SFXN5: variants seen among roughly 807,000 people sequenced by gnomAD.
The protein encoded by SFXN5 is sideroflexin 5.
In SFXN5, 43 loss-of-function variants were observed where a neutral mutation model predicts 50.2. The ratio of observed to expected loss-of-function variants is 0.86; its 90% CI spans 0.67 to 1.11. The LOEUF (loss-of-function observed/expected upper bound fraction) is 1.11. SFXN5 is among the 50% of genes least tolerant of loss of function. The pLI is 0.00. For missense variants in SFXN5, 463 were observed against 454.1 expected, an observed-to-expected ratio of 1.02 and a Z score of -0.18; for synonymous variants, 203 against 185.8, an observed-to-expected ratio of 1.09 and a Z score of -0.75.
At chr2:73,050,469 GCCC>G (rs1681155428) in intron 2 of SFXN5, among the ~76,000 whole-genome samples, 1 of 151,428 alleles carries the variant, frequency 6.6e-6, no homozygotes, top group African/African-American at 2.4e-5. Context: ...TTACGCTTGT[GCCC>G]TCTGGAGCAG....
chr2:72,988,984 G>A (rs1379343120), intron 9 of SFXN5, among the ~76,000 whole-genome samples: 1 of 152,176 alleles, frequency 6.6e-6, no homozygotes, highest in African/African-American at 2.4e-5. Flanking sequence ...CCTGCCTGGG[G>A]TCTTCGTCAC....
At chr2:73,034,112 G>C (rs1678663673) in intron 3 of SFXN5, among the ~76,000 whole-genome samples, 1 of 152,186 alleles carries the variant, frequency 6.6e-6, no homozygotes, top group Non-Finnish European at 1.5e-5. Context: ...CATCCAGGAG[G>C]CCACTGCAGG....
At chr2:72,969,857 G>T (rs1408266083) in intron 11 of SFXN5, among the ~76,000 whole-genome samples, 1 of 152,122 alleles carries the variant, frequency 6.6e-6, no homozygotes, top group Non-Finnish European at 1.5e-5. Context: ...TCTGCTTGGG[G>T]CCTTGCTCCA....
At position 72,999,222 on chromosome 2, in the gene SFXN5, T is replaced by C. The variant is rs140819469; in HGVS notation, c.469-208A>G. 4.4e-3 allele frequency among the ~76,000 whole-genome samples: 672 copies of C among 152,272 alleles called. 10 individuals are homozygous for C. The highest frequency in any genetic ancestry group is 0.019 in the Admixed American group (292 of 15,298). On this transcript the variant is annotated intron_variant, in intron 8 of 13. Transcript: ENST00000272433. ...TATAAATCACCAGTATCCAGGGAGA[T>C]ACTGAAGGGCCCACTTCACTCCTGC...
intron 2 of SFXN5, chr2:73,053,339 C>T (rs1022166165): frequency 7.8e-5 from 12 of 154,288 alleles, no homozygotes; most frequent in African/African-American, 2.9e-4. Context: ...TCAAAAGAGC[C>T]CCCAGCCACA....
At chr2:72,964,734 C>G (rs147457870) in intron 12 of SFXN5, among the ~76,000 whole-genome samples, 3 of 152,358 alleles carry the variant, frequency 2.0e-5, no homozygotes, top group Non-Finnish European at 4.4e-5. Context: ...CAGGGACCCT[C>G]CAAAGAACTT....
intron 3 of SFXN5, among the ~76,000 whole-genome samples, chr2:73,034,911 T>C (rs1459426664): frequency 6.6e-6 from 1 of 152,188 alleles, no homozygotes; most frequent in Non-Finnish European, 1.5e-5. Context: ...AACCTCCAAC[T>C]TCCTTCCCAG....
At position 72,953,472 on chromosome 2, in the gene SFXN5, G is replaced by A. The variant is rs565980784; in HGVS notation, c.945+7659C>T. 3.3e-5 allele frequency among the ~76,000 whole-genome samples: 5 copies of A among 152,248 alleles called. No homozygotes were observed. The highest frequency in any genetic ancestry group is 6.5e-5 in the Admixed American group (1 of 15,308). On this transcript the variant is annotated intron_variant, in intron 13 of 13. Coordinates refer to ENST00000272433, the MANE Select transcript of SFXN5 (RefSeq NM_144579.3). The surrounding 1 kb of genome is among the most constrained non-coding windows in gnomAD (Gnocchi z 4.1). ...TGCCCTAGACATTGTCTCTGGCCTC[G>A]CATCAACCCTGGAAGAGTGGGAGAA...
intron 3 of SFXN5, among the ~76,000 whole-genome samples, chr2:73,038,126 G>C (rs913841879): frequency 6.6e-6 from 1 of 152,164 alleles, no homozygotes; most frequent in Non-Finnish European, 1.5e-5. Flanking sequence ...AACCTAGATG[G>C]GCAAGCCTGC....
intron 2 of SFXN5, among the ~76,000 whole-genome samples, chr2:73,043,975 C>G (rs1296665340): frequency 6.6e-6 from 1 of 152,156 alleles, no homozygotes; most frequent in Non-Finnish European, 1.5e-5. Context: ...ACCACACACC[C>G]CCTCAATGCC....
chr2:73,055,067 A>G (rs1032473363), intron 2 of SFXN5, among the ~76,000 whole-genome samples: 1 of 152,230 alleles, frequency 6.6e-6, no homozygotes, highest in Non-Finnish European at 1.5e-5. Context: ...TTCTAGGCCC[A>G]GGTGCCCAGC....
Position 72,960,216 on chromosome 2 carries a change from C to A in SFXN5, c.945+915G>T, listed in dbSNP as rs896827271. ...AGACCCAGAGCCAACATCCCACAGGCTCCTCAACCCCGCGTGTCCATCCAA... is the reference window on the plus strand; with the variant it reads ...AGACCCAGAGCCAACATCCCACAGGATCCTCAACCCCGCGTGTCCATCCAA... On this transcript the variant is annotated intron_variant, in intron 13 of 13. Transcript: ENST00000272433. The surrounding 1 kb of genome is among the most constrained non-coding windows in gnomAD (Gnocchi z 6.1). 2.3e-4 allele frequency among the ~76,000 whole-genome samples: 35 copies of A among 152,084 alleles called. No homozygotes were observed. Among genetic ancestry groups the A allele is most frequent in the African/African-American group, 7.7e-4 (32 of 41,412 alleles).
chr2:73,022,433 C>CTTA, intron 5 of SFXN5, 89 bp downstream of exon 5: 1 of 1,006,916 alleles, frequency 9.9e-7, no homozygotes, highest in Non-Finnish European at 1.6e-6. Context: ...CTGTCCCCTC[C>CTTA]TTAGGCCAGC....
chr2:73,048,046 A>G (rs968429248), intron 2 of SFXN5, among the ~76,000 whole-genome samples: 1 of 152,192 alleles, frequency 6.6e-6, no homozygotes, highest in African/African-American at 2.4e-5. Context: ...CTGCTCATAT[A>G]CTCATAGGTA....
At chr2:72,974,191 G>C (rs1670358732) in intron 10 of SFXN5, among the ~76,000 whole-genome samples, 1 of 152,212 alleles carries the variant, frequency 6.6e-6, no homozygotes. Flanking sequence ...TCAGGGGAAA[G>C]TGGGGACAGC....
intron 2 of SFXN5, among the ~76,000 whole-genome samples, chr2:73,050,385 A>AGCGC (rs796461818): frequency 0.013 from 880 of 66,436 alleles, 10 homozygotes; most frequent in African/African-American, 0.052. Flanking sequence ...CCGCAGCCAC[A>AGCGC]GCGCACGCAC....
In SFXN5 at chr2:73,061,063, C is replaced by T. The variant is rs549684146; in HGVS notation, c.103-2467G>A. On this transcript the variant is annotated intron_variant, in intron 1 of 13. Coordinates refer to ENST00000272433, the MANE Select transcript of SFXN5 (RefSeq NM_144579.3). ...GGGCGTGGTGGCTCATGCCTGTAAT[C>T]CCAGCACTCTGGGAGACCAAGGCAG... 2.0e-5 allele frequency among the ~76,000 whole-genome samples: 3 copies of T among 151,010 alleles called. No individual in the cohort carries two copies. The East Asian group carries it at 6.1e-4, about 30-fold the overall frequency.
chr2:73,015,639 C>T (rs1180858110), intron 6 of SFXN5, among the ~76,000 whole-genome samples: 3 of 152,222 alleles, frequency 2.0e-5, no homozygotes, highest in Middle Eastern at 3.4e-3. Context: ...CTTTTGAAAG[C>T]TTTATAAAAT....
chr2:73,049,646 C>T (rs1680981499), intron 2 of SFXN5: 1 of 152,210 alleles, frequency 6.6e-6, no homozygotes, highest in Admixed American at 6.5e-5. Flanking sequence ...TTAATACTAT[C>T]ACATTTGCCA....
Sources: gnomAD v4.1 joint callset for allele counts (sites outside exome capture counted in the v4.1 genomes callset) on GRCh38, gnomAD v4.1.1 for gene constraint, Gnocchi (gnomAD v3.1) non-coding constraint, MANE v1.5 for transcripts, NCBI Gene and HGNC (gene_info 2026-07-23, HGNC 2026-07-21) for gene names.